RAD51B: variants seen among roughly 807,000 people sequenced by gnomAD.
The protein encoded by RAD51B is RAD51 paralog B, also known as DNA repair protein RAD51 homolog 2.
A neutral mutation model predicts 42.2 loss-of-function variants in RAD51B; 38 were observed. The observed-to-expected ratio is 0.90, with a 90% CI of 0.70 to 1.18. The LOEUF (loss-of-function observed/expected upper bound fraction) is 1.18, where lower values mean the gene tolerates loss of function less well. Among genes scored for constraint, RAD51B ranks in the 50% most tolerant of loss-of-function variants. RAD51B has a pLI of 0.00. For missense variants in RAD51B, 373 were observed against 400.7 expected (o/e 0.93, Z 0.59); for synonymous variants, 154 against 145.2 (o/e 1.06, Z -0.43).
At chr14:68,242,781 CAGT>C (rs2080419606) in intron 7 of RAD51B, among the ~76,000 whole-genome samples, 1 of 152,062 alleles carries the variant, frequency 6.6e-6, no homozygotes, top group Non-Finnish European at 1.5e-5. Flanking sequence ...TTATTATTAT[CAGT>C]ATATTATTAT....
At position 67,916,141 on chromosome 14, in the gene RAD51B, G is replaced by A. The variant is rs187438498; in HGVS notation, c.756+28937G>A. ...TCTGGTTCCCAGATAGATAGTTGAA[G>A]GCTCAAAGAAATTTCCAAGCTTGCT... On this transcript the variant is annotated intron_variant, in intron 7 of 10. Transcript: ENST00000471583. 8.0e-3 allele frequency among the ~76,000 whole-genome samples: 1,214 copies of A among 152,306 alleles called. 8 individuals are homozygous for A. Among genetic ancestry groups the A allele is most frequent in the Non-Finnish European group, 0.013 (877 of 68,020 alleles).
intron 7 of RAD51B, among the ~76,000 whole-genome samples, chr14:67,985,585 C>T (rs756732917): frequency 6.6e-6 from 1 of 151,910 alleles, no homozygotes; most frequent in African/African-American, 2.4e-5. Flanking sequence ...TTAGCTTTTC[C>T]TTGACTTTTG....
chr14:68,626,132 G>T (rs1165238843), intron 10 of RAD51B, among the ~76,000 whole-genome samples: 3 of 152,188 alleles, frequency 2.0e-5, no homozygotes, highest in Non-Finnish European at 4.4e-5. Flanking sequence ...AAATCATATA[G>T]GTCCCTATCT....
chr14:68,572,198 C>T (rs1889741223), intron 10 of RAD51B, among the ~76,000 whole-genome samples: 1 of 152,170 alleles, frequency 6.6e-6, no homozygotes, highest in South Asian at 2.1e-4. Context: ...GATGTAATCT[C>T]GAATCCAGAT....
intron 9 of RAD51B, among the ~76,000 whole-genome samples, chr14:68,447,965 T>A (rs2085461328): frequency 6.6e-6 from 1 of 152,238 alleles, no homozygotes; most frequent in Non-Finnish European, 1.5e-5. Context: ...TACTGTGTAC[T>A]AGGTTAGGCT....
chr14:67,895,695 A>G (rs892871590), intron 7 of RAD51B, among the ~76,000 whole-genome samples: 7 of 152,146 alleles, frequency 4.6e-5, no homozygotes, highest in African/African-American at 1.7e-4. Flanking sequence ...TATTTATTGA[A>G]TGATTAAGTC....
Position 68,543,849 on chromosome 14 carries a change from A to T in RAD51B, c.1037-50636A>T, listed in dbSNP as rs550652081. Reference sequence around the variant, plus strand: ...TATTAAATGACTTGCCCTATGAATGATATAACTGGGACTTCTGATTCCTAA... The same window carrying T: ...TATTAAATGACTTGCCCTATGAATGTTATAACTGGGACTTCTGATTCCTAA... On this transcript the variant is annotated intron_variant, in intron 10 of 10. Coordinates refer to the RAD51B transcript ENST00000487270. 2.6e-5 allele frequency among the ~76,000 whole-genome samples: 4 copies of T among 152,372 alleles called. No individual in the cohort carries two copies. The South Asian group carries it at 8.3e-4, about 32-fold the overall frequency.
At chr14:68,373,617 G>A (rs2083304410) in intron 8 of RAD51B, among the ~76,000 whole-genome samples, 1 of 152,066 alleles carries the variant, frequency 6.6e-6, no homozygotes, top group Non-Finnish European at 1.5e-5. Context: ...GGGGCCTGTT[G>A]GTGGGTGGGG....
intron 2 of RAD51B, among the ~76,000 whole-genome samples, chr14:67,825,117 C>T (rs2040778485): frequency 8.4e-6 from 1 of 118,396 alleles, no homozygotes; most frequent in Non-Finnish European, 1.8e-5. Context: ...AGGAAAGAAA[C>T]TCTTTCAACC....
intron 7 of RAD51B, among the ~76,000 whole-genome samples, chr14:67,921,758 ACT>A (rs563181527): frequency 2.0e-5 from 3 of 151,128 alleles, no homozygotes; most frequent in Admixed American, 1.3e-4. Context: ...AACTGGTGCC[ACT>A]CTCTCTGTGG....
chr14:68,411,543 G>A lies in RAD51B; in HGVS notation c.957+16G>A, dbSNP rs2140083200. ...GAGAAGACAGGTGGGTGCTTTGACA[G>A]TATTCTCTGACTATGAAGGTCGGGG... is the stretch of plus-strand genomic sequence containing the variant. On this transcript the variant is annotated intron_variant, in intron 9 of 10. Transcript: ENST00000471583. 1 of 1,606,866 alleles carries A rather than the reference G, an allele frequency of 6.2e-7. No individual in the cohort carries two copies. The highest frequency in any genetic ancestry group is 8.5e-7 in the Non-Finnish European group (1 of 1,173,544).
chr14:68,433,358 A>C (rs971406721), intron 9 of RAD51B, among the ~76,000 whole-genome samples: 2 of 152,028 alleles, frequency 1.3e-5, no homozygotes, highest in Non-Finnish European at 2.9e-5. Context: ...ACTTGGTTCC[A>C]TTCTCCCCAT....
At chr14:68,300,496 C>T (rs1322229383) in intron 8 of RAD51B, among the ~76,000 whole-genome samples, 1 of 152,156 alleles carries the variant, frequency 6.6e-6, no homozygotes, top group African/African-American at 2.4e-5. Flanking sequence ...AGGTGTAAGC[C>T]ACCACGCCCA....
intron 7 of RAD51B, among the ~76,000 whole-genome samples, chr14:67,942,555 A>G (rs996170034): frequency 1.3e-5 from 2 of 152,188 alleles, no homozygotes; most frequent in African/African-American, 4.8e-5. Context: ...CCAAACAAGG[A>G]TTTCTGGGAA....
intron 7 of RAD51B, among the ~76,000 whole-genome samples, chr14:68,272,635 TTATATATATATATATATATA>T (rs1196934518): frequency 1.0e-4 from 2 of 19,852 alleles, no homozygotes; most frequent in African/African-American, 2.1e-4. Context: ...TATAAACACT[TTATATATATATATATATATA>T]TATATATATA....
rs147771621 is a variant in RAD51B at position 67,845,034 on chromosome 14, A to G, written c.315+9838A>G. Among the ~76,000 whole-genome samples, 18 of 152,294 alleles carry G rather than the reference A, an allele frequency of 1.2e-4. 1 individual carries two copies. The East Asian group carries it at 3.1e-3, about 26-fold the overall frequency. On this transcript the variant is annotated intron_variant, in intron 4 of 10. Transcript: ENST00000471583. ...GTGGGTCTCTTGAAGATGGCACACC[A>G]TTGGGTCTTGACTCTTTGTCCAACT... is the stretch of plus-strand genomic sequence containing the variant.
At chr14:68,612,026 T>C (rs555201046), downstream of RAD51B, among the ~76,000 whole-genome samples, 6 of 152,332 alleles carry the variant, frequency 3.9e-5, no homozygotes, top group African/African-American at 1.4e-4. Flanking sequence ...CCTGAGCTGG[T>C]ATAGATTGCA....
At chr14:68,220,399 T>G (rs2140961810) in intron 7 of RAD51B, among the ~76,000 whole-genome samples, 1 of 152,238 alleles carries the variant, frequency 6.6e-6, no homozygotes. Flanking sequence ...GAAAAAGCAT[T>G]TGACAAAATC....
At chr14:68,512,601 G>A (rs1258426651) in intron 10 of RAD51B, among the ~76,000 whole-genome samples, 1 of 152,136 alleles carries the variant, frequency 6.6e-6, no homozygotes, top group African/African-American at 2.4e-5. Flanking sequence ...CACTCTAGGT[G>A]AGCAGTCATG....
Sources: gnomAD v4.1 joint callset for allele counts (sites outside exome capture counted in the v4.1 genomes callset) on GRCh38, gnomAD v4.1.1 for gene constraint, MANE v1.5 for transcripts, NCBI Gene and HGNC (gene_info 2026-07-23, HGNC 2026-07-21) for gene names.